The following SLC24A2 variants were observed in gnomAD, a reference collection of about 807,000 sequenced individuals.
The protein encoded by SLC24A2 is sodium/potassium/calcium exchanger 2.
Under a neutral mutation model 62.0 loss-of-function variants are expected in SLC24A2, and 36 were observed. The ratio of observed to expected loss-of-function variants is 0.58; its 90% CI spans 0.44 to 0.77. The LOEUF (loss-of-function observed/expected upper bound fraction) is 0.77, where lower values mean the gene tolerates loss of function less well. SLC24A2 is among the 30% of genes least tolerant of loss of function. SLC24A2 has a pLI of 0.00. For synonymous variants in SLC24A2, 358 were observed against 294.0 expected (o/e 1.22, Z -2.23); for missense variants, 846 against 817.9 (o/e 1.03, Z -0.42).
At chr9:19,992,516 G>C in the SLC24A2 span, among the ~76,000 whole-genome samples, 1 of 152,178 alleles carries the variant, frequency 6.6e-6, no homozygotes, top group Non-Finnish European at 1.5e-5. Context: ...AAATTGGCTA[G>C]TCTTTGGAAC....
At chr9:19,767,159 G>A (rs1286457338) in intron 2 of SLC24A2, among the ~76,000 whole-genome samples, 1 of 152,154 alleles carries the variant, frequency 6.6e-6, no homozygotes, top group Non-Finnish European at 1.5e-5. Context: ...AAGCTCAAGT[G>A]TTCCAGGTCG....
chr9:19,829,840 C>G, the SLC24A2 span, among the ~76,000 whole-genome samples: 1 of 122,120 alleles, frequency 8.2e-6, no homozygotes, highest in Non-Finnish European at 1.8e-5. Flanking sequence ...CACACACACA[C>G]ATATATAGAA....
chr9:19,573,214 C>T (rs980668553), intron 7 of SLC24A2, 137 bp downstream of exon 7: 6 of 650,720 alleles, frequency 9.2e-6, no homozygotes, highest in Non-Finnish European at 1.7e-5. Flanking sequence ...GAAATACACA[C>T]AAGGATGTAT....
At chr9:19,591,463 G>GTT (rs1269100559) in intron 5 of SLC24A2, among the ~76,000 whole-genome samples, 1 of 152,232 alleles carries the variant, frequency 6.6e-6, no homozygotes, top group Admixed American at 6.5e-5. Context: ...AATTCATGCA[G>GTT]TTTAACAAAC....
At chr9:19,660,825 T>C (rs1005953304) in intron 2 of SLC24A2, among the ~76,000 whole-genome samples, 18 of 152,192 alleles carry the variant, frequency 1.2e-4, no homozygotes, top group African/African-American at 4.1e-4. Context: ...TAGGTTATCT[T>C]ATTTAACCCT....
chr9:19,545,355 C>T (rs1373229517), intron 8 of SLC24A2, among the ~76,000 whole-genome samples: 1 of 151,946 alleles, frequency 6.6e-6, no homozygotes, highest in Non-Finnish European at 1.5e-5. Flanking sequence ...TCTTAGCTTC[C>T]TTGCATTGGG....
At chr9:20,100,196 T>G in the SLC24A2 span, among the ~76,000 whole-genome samples, 17,170 of 145,788 alleles carry the variant, frequency 0.12, 1,051 homozygotes, top group Middle Eastern at 0.18. Flanking sequence ...GTGTGTGTGT[T>G]TTTGTTTGTT....
At chr9:20,067,739 G>C in the SLC24A2 span, among the ~76,000 whole-genome samples, 3 of 152,104 alleles carry the variant, frequency 2.0e-5, no homozygotes, top group African/African-American at 4.8e-5. Flanking sequence ...TGGCTGCGTA[G>C]AACTCCACAG....
the SLC24A2 span, among the ~76,000 whole-genome samples, chr9:19,910,368 C>T: frequency 6.6e-6 from 1 of 152,160 alleles, no homozygotes; most frequent in Admixed American, 6.5e-5. Context: ...GCCTTAATCA[C>T]CTTTTGTTCA....
chr9:20,037,440 G>A, the SLC24A2 span, among the ~76,000 whole-genome samples: 1,855 of 152,210 alleles, frequency 0.012, 18 homozygotes, highest in Non-Finnish European at 0.017. Flanking sequence ...TTTATCTGTT[G>A]ATGCACAATT....
the SLC24A2 span, among the ~76,000 whole-genome samples, chr9:19,879,881 G>T: frequency 0.014 from 2,204 of 152,080 alleles, 27 homozygotes; most frequent in Middle Eastern, 0.031. Context: ...TAATTACCTT[G>T]ATCCCCTCAT....
At chr9:19,921,313 G>A in the SLC24A2 span, among the ~76,000 whole-genome samples, 22 of 151,930 alleles carry the variant, frequency 1.4e-4, no homozygotes, top group African/African-American at 5.1e-4. Flanking sequence ...CATGAGGTCA[G>A]GAGATCGAGA....
At chr9:20,233,085 G>A in the SLC24A2 span, among the ~76,000 whole-genome samples, 11 of 152,244 alleles carry the variant, frequency 7.2e-5, no homozygotes, top group Admixed American at 6.5e-4. Flanking sequence ...ACTGTGGTCT[G>A]AGAGACAGTT....
At chr9:19,587,130 T>C (rs958144642) in intron 5 of SLC24A2, among the ~76,000 whole-genome samples, 4 of 152,186 alleles carry the variant, frequency 2.6e-5, no homozygotes, top group Admixed American at 1.3e-4. Context: ...GGTTGTGACA[T>C]TATTCATTTG....
the SLC24A2 span, among the ~76,000 whole-genome samples, chr9:20,129,928 T>TACACACACACACACACACACAC: frequency 7.6e-4 from 108 of 141,900 alleles, 1 homozygote; most frequent in Non-Finnish European, 1.0e-3. Context: ...TATAATTTAC[T>TACACACACACACACACACACAC]ACACACACAC....
the SLC24A2 span, among the ~76,000 whole-genome samples, chr9:20,200,668 G>C: frequency 3.7e-3 from 570 of 152,272 alleles, 2 homozygotes; most frequent in African/African-American, 0.013. Flanking sequence ...TCTCAAAAGA[G>C]GCCTAGAAGC....
the SLC24A2 span, among the ~76,000 whole-genome samples, chr9:19,865,223 T>C: frequency 6.6e-6 from 1 of 152,076 alleles, no homozygotes; most frequent in Non-Finnish European, 1.5e-5. Context: ...GTTCATGCAT[T>C]GGAACAATCA....
the SLC24A2 span, among the ~76,000 whole-genome samples, chr9:20,018,232 C>G: frequency 1.3e-5 from 2 of 152,212 alleles, no homozygotes; most frequent in Admixed American, 6.5e-5. Flanking sequence ...CAGGCATGAG[C>G]CACTGCGCCC....
At chr9:20,291,460 T>A in the SLC24A2 span, among the ~76,000 whole-genome samples, 14,262 of 152,190 alleles carry the variant, frequency 0.094, 899 homozygotes, top group African/African-American at 0.18. Context: ...TCTGGAGCTT[T>A]AAGTGGATGC....
Sources: allele counts gnomAD v4.1 joint callset (sites outside exome capture counted in the v4.1 genomes callset), GRCh38; gene constraint gnomAD v4.1.1; transcripts MANE v1.5; gene names NCBI Gene and HGNC (gene_info 2026-07-23, HGNC 2026-07-21).